TMEM135: variants seen among roughly 807,000 people sequenced by gnomAD.
TMEM135 encodes the protein peroxisomal membrane protein 52.
Under a neutral mutation model 60.3 loss-of-function variants are expected in TMEM135, and 30 were observed. The ratio of observed to expected loss-of-function variants is 0.50; its 90% CI spans 0.37 to 0.68. The LOEUF is 0.68. Among genes scored for constraint, TMEM135 ranks in the 30% least tolerant of loss-of-function variants. TMEM135 has a pLI of 0.00. For synonymous variants in TMEM135, 190 were observed against 186.7 expected (o/e 1.02, Z -0.14); for missense variants, 468 against 548.8 (o/e 0.85, Z 1.47).
At chr11:87,127,948 A>T (rs1937783966) in intron 4 of TMEM135, among the ~76,000 whole-genome samples, 1 of 152,196 alleles carries the variant, frequency 6.6e-6, no homozygotes, top group South Asian at 2.1e-4. Context: ...GAGAAGAAAT[A>T]TCTGCTTTGG....
At position 87,097,445 on chromosome 11, in the gene TMEM135, C is replaced by G. The variant is rs1857355588; in HGVS notation, c.396+6050C>G. Among the ~76,000 whole-genome samples the G allele has an allele frequency of 5.3e-5, 8 of 152,302 alleles. No homozygotes were observed. The South Asian group carries it at 1.7e-3, about 32-fold the overall frequency. Reference sequence around the variant, plus strand: ...GCAAGCTGGATTCCAAAACCTAGTGCTGTTCATCACAAGGTGAAGTGTGAC... The same window carrying G: ...GCAAGCTGGATTCCAAAACCTAGTGGTGTTCATCACAAGGTGAAGTGTGAC... On this transcript the variant is annotated intron_variant, in intron 4 of 14. Coordinates refer to ENST00000305494, the MANE Select transcript of TMEM135 (RefSeq NM_022918.4).
intron 6 of TMEM135, among the ~76,000 whole-genome samples, chr11:87,252,798 A>ATATGTGTGTG (rs1555124821): frequency 2.5e-4 from 34 of 134,242 alleles, no homozygotes; most frequent in African/African-American, 5.9e-4. Flanking sequence ...TAAAATATAT[A>ATATGTGTGTG]TGTGTGTGTG....
At chr11:87,216,133 A>G (rs1940495081) in intron 5 of TMEM135, among the ~76,000 whole-genome samples, 2 of 152,346 alleles carry the variant, frequency 1.3e-5, no homozygotes, top group South Asian at 4.1e-4. Context: ...CATAGTGTAT[A>G]TAGGGTTTGG....
intron 4 of TMEM135, among the ~76,000 whole-genome samples, chr11:87,141,715 C>G (rs771725334): frequency 2.0e-5 from 3 of 151,980 alleles, no homozygotes; most frequent in African/African-American, 7.3e-5. Context: ...CTTGTCAAAT[C>G]AAGGAAGTTT....
intron 6 of TMEM135, among the ~76,000 whole-genome samples, chr11:87,276,677 T>TTTTC (rs1941972923): frequency 6.8e-6 from 1 of 146,806 alleles, no homozygotes; most frequent in African/African-American, 2.5e-5. Flanking sequence ...TTTTTTTTTT[T>TTTTC]TTTTTTTTTG....
chr11:87,204,047 T>C (rs570898), intron 5 of TMEM135, among the ~76,000 whole-genome samples: 19,797 of 152,192 alleles, frequency 0.13, 1,342 homozygotes, highest in Non-Finnish European at 0.14. Context: ...CCTTTTTTTT[T>C]CAACTTGACT....
chr11:87,283,899 TTC>T (rs1318369892), intron 6 of TMEM135, among the ~76,000 whole-genome samples: 1 of 152,176 alleles, frequency 6.6e-6, no homozygotes, highest in African/African-American at 2.4e-5. Flanking sequence ...GATTCGAAGA[TTC>T]TGTTTAATTG....
chr11:87,236,419 C>G (rs1183443291), intron 5 of TMEM135, among the ~76,000 whole-genome samples: 1 of 151,842 alleles, frequency 6.6e-6, no homozygotes, highest in Admixed American at 6.6e-5. Context: ...TTTTGTTGGA[C>G]CACATTCAAA....
At chr11:87,103,453 A>G (rs1857509571) in intron 4 of TMEM135, among the ~76,000 whole-genome samples, 1 of 149,148 alleles carries the variant, frequency 6.7e-6, no homozygotes, top group Non-Finnish European at 1.5e-5. Context: ...GAGCATTTTT[A>G]AATGTGTGTG....
chr11:87,068,808 C>CA (rs3045939), intron 2 of TMEM135, among the ~76,000 whole-genome samples: 14,029 of 127,726 alleles, frequency 0.11, 718 homozygotes, highest in Non-Finnish European at 0.12. Context: ...CAGACTGTCT[C>CA]AAAAAAAAAA....
intron 5 of TMEM135, among the ~76,000 whole-genome samples, chr11:87,230,786 C>T (rs1353306683): frequency 2.0e-5 from 3 of 151,856 alleles, no homozygotes; most frequent in Non-Finnish European, 2.9e-5. Context: ...TATCCACTAC[C>T]ACATATGGCT....
intron 6 of TMEM135, among the ~76,000 whole-genome samples, chr11:87,293,448 C>T (rs774526205): frequency 2.6e-5 from 4 of 151,900 alleles, no homozygotes; most frequent in East Asian, 1.9e-4. Flanking sequence ...TTGTTACATA[C>T]GTATACGTGT....
chr11:87,247,702 G>A (rs1371714230), intron 6 of TMEM135, among the ~76,000 whole-genome samples: 1 of 152,166 alleles, frequency 6.6e-6, no homozygotes, highest in Non-Finnish European at 1.5e-5. Context: ...TTTTAAGCCT[G>A]TCGGAAAAGC....
At chr11:87,079,048 C>G (rs1379350526) in intron 3 of TMEM135, among the ~76,000 whole-genome samples, 1 of 151,874 alleles carries the variant, frequency 6.6e-6, no homozygotes, top group African/African-American at 2.4e-5. Flanking sequence ...CTGTCTCACA[C>G]TCACTGGAGT....
intron 6 of TMEM135, among the ~76,000 whole-genome samples, chr11:87,263,855 A>G (rs1406817782): frequency 6.6e-6 from 1 of 152,058 alleles, no homozygotes; most frequent in East Asian, 1.9e-4. Flanking sequence ...AATTATTTTA[A>G]AACAATTGAA....
chr11:87,278,675 C>G (rs1942008345), intron 6 of TMEM135, among the ~76,000 whole-genome samples: 1 of 152,076 alleles, frequency 6.6e-6, no homozygotes, highest in Admixed American at 6.6e-5. Flanking sequence ...AATTTTCATT[C>G]TTTGAAAATT....
chr11:87,253,979 T>A (rs916455118), intron 6 of TMEM135, among the ~76,000 whole-genome samples: 3 of 151,998 alleles, frequency 2.0e-5, no homozygotes, highest in Non-Finnish European at 2.9e-5. Flanking sequence ...CCACAGATTT[T>A]AAAAAAACAT....
intron 4 of TMEM135, among the ~76,000 whole-genome samples, chr11:87,148,535 T>C (rs1938473354): frequency 6.6e-6 from 1 of 152,218 alleles, no homozygotes. Flanking sequence ...AGAAATAATG[T>C]ACTTTGATCT....
intron 1 of TMEM135, among the ~76,000 whole-genome samples, chr11:87,041,267 A>G (rs917656847): frequency 2.8e-5 from 4 of 141,844 alleles, no homozygotes; most frequent in African/African-American, 5.5e-5. Context: ...AAGGAAAAAG[A>G]CAGGATTCGG....
Sources: allele counts gnomAD v4.1 joint callset (sites outside exome capture counted in the v4.1 genomes callset), GRCh38; gene constraint gnomAD v4.1.1; transcripts MANE v1.5; gene names NCBI Gene and HGNC (gene_info 2026-07-23, HGNC 2026-07-21).